The following NCOA2 variants were observed in gnomAD, a reference collection of about 807,000 sequenced individuals.
NCOA2 encodes class E basic helix-loop-helix protein 75.
NCOA2 carries 21 observed loss-of-function variants against 145.1 expected under a neutral mutation model. That is an observed-to-expected ratio of 0.14 (90% CI 0.10 to 0.21). The LOEUF (loss-of-function observed/expected upper bound fraction) is 0.21. Among genes scored for constraint, NCOA2 ranks in the 10% least tolerant of loss-of-function variants. The probability of loss-of-function intolerance (pLI) is 1.00; values close to 1 mark genes in which losing one functional copy is unlikely to be tolerated. For missense variants in NCOA2, 1,472 were observed against 1,837.6 expected, an observed-to-expected ratio of 0.80 and a Z score of 3.64; for synonymous variants, 619 against 637.5, an observed-to-expected ratio of 0.97 and a Z score of 0.44.
At chr8:70,212,725 C>T (rs1377753877) in intron 4 of NCOA2, among the ~76,000 whole-genome samples, 1 of 152,004 alleles carries the variant, frequency 6.6e-6, no homozygotes, top group Non-Finnish European at 1.5e-5. Flanking sequence ...TGAAATATGC[C>T]TTTTTTGAAT....
chr8:70,325,190 C>A (rs935267435), intron 1 of NCOA2, among the ~76,000 whole-genome samples: 4 of 152,164 alleles, frequency 2.6e-5, no homozygotes, highest in Non-Finnish European at 4.4e-5. Context: ...TGACAGAAAT[C>A]TTTGAACACA....
intron 1 of NCOA2, among the ~76,000 whole-genome samples, chr8:70,376,578 G>T (rs762316287): frequency 6.6e-6 from 1 of 152,166 alleles, no homozygotes; most frequent in African/African-American, 2.4e-5. Context: ...AGAGACCAGG[G>T]TGTGAATAGA....
intron 9 of NCOA2, among the ~76,000 whole-genome samples, chr8:70,160,134 C>T (rs1250547677): frequency 1.3e-5 from 2 of 152,114 alleles, no homozygotes; most frequent in Admixed American, 6.5e-5. Flanking sequence ...CTAGAAATTA[C>T]GTACTGTTCA....
At chr8:70,254,508 A>C (rs1237343979) in intron 2 of NCOA2, among the ~76,000 whole-genome samples, 1 of 152,242 alleles carries the variant, frequency 6.6e-6, no homozygotes, top group Non-Finnish European at 1.5e-5. Flanking sequence ...GTGGTACACA[A>C]TACAGTATTA....
At chr8:70,257,354 T>C (rs1823716401) in intron 2 of NCOA2, among the ~76,000 whole-genome samples, 1 of 152,212 alleles carries the variant, frequency 6.6e-6, no homozygotes. Flanking sequence ...AACCATTCCT[T>C]GGGGTCCTTC....
At chr8:70,121,193 C>A (rs541606126) in intron 22 of NCOA2, 109 bp downstream of exon 22, 2 of 864,468 alleles carry the variant, frequency 2.3e-6, no homozygotes, top group East Asian at 2.7e-5. Context: ...AGATATTTTA[C>A]GATTATCTTT....
At chr8:70,338,770 C>T (rs1244093440) in intron 1 of NCOA2, among the ~76,000 whole-genome samples, 3 of 152,018 alleles carry the variant, frequency 2.0e-5, no homozygotes, top group Non-Finnish European at 4.4e-5. Context: ...TATGCTTCAT[C>T]CCCAGGGTGC....
At chr8:70,316,393 T>G (rs1383164596) in intron 1 of NCOA2, among the ~76,000 whole-genome samples, 1 of 152,146 alleles carries the variant, frequency 6.6e-6, no homozygotes, top group Non-Finnish European at 1.5e-5. Flanking sequence ...CCAGACACCT[T>G]CCTACACAAA....
intron 2 of NCOA2, among the ~76,000 whole-genome samples, chr8:70,251,264 C>T (rs1347218713): frequency 6.6e-6 from 1 of 152,146 alleles, no homozygotes; most frequent in East Asian, 1.9e-4. Context: ...ATGCAAACAG[C>T]AGTGCATAAA....
At chr8:70,440,354 C>T in the NCOA2 span, among the ~76,000 whole-genome samples, 11 of 152,126 alleles carry the variant, frequency 7.2e-5, no homozygotes, top group Non-Finnish European at 8.8e-5. Context: ...AATCCCAGCA[C>T]CTGAGGTCAG....
At chr8:70,183,413 G>C (rs1815700714) in intron 4 of NCOA2, among the ~76,000 whole-genome samples, 1 of 152,132 alleles carries the variant, frequency 6.6e-6, no homozygotes, top group Non-Finnish European at 1.5e-5. Flanking sequence ...CTGATAAATA[G>C]CTTAAAATAT....
At chr8:70,234,029 C>T (rs945079783) in intron 2 of NCOA2, among the ~76,000 whole-genome samples, 1 of 152,160 alleles carries the variant, frequency 6.6e-6, no homozygotes, top group African/African-American at 2.4e-5. Context: ...TCTCTCCTCT[C>T]CCAGCCCCTC....
chr8:70,243,554 T>C (rs1438184042), intron 2 of NCOA2, among the ~76,000 whole-genome samples: 5 of 152,058 alleles, frequency 3.3e-5, no homozygotes, highest in Admixed American at 6.6e-5. Flanking sequence ...TACAAAAGTC[T>C]TGGCTCATTC....
intron 11 of NCOA2, among the ~76,000 whole-genome samples, chr8:70,151,844 G>T (rs1013825311): frequency 1.3e-5 from 2 of 152,002 alleles, no homozygotes; most frequent in African/African-American, 4.8e-5. Context: ...ATAAAGTTCA[G>T]AATATCTATA....
chr8:70,353,215 A>G (rs981912743), intron 1 of NCOA2, among the ~76,000 whole-genome samples: 4 of 151,882 alleles, frequency 2.6e-5, no homozygotes, highest in African/African-American at 9.7e-5. Flanking sequence ...CCACCTTAAG[A>G]TATTTGAAGA....
chr8:70,189,444 T>C (rs1816436982), intron 4 of NCOA2, among the ~76,000 whole-genome samples: 1 of 152,218 alleles, frequency 6.6e-6, no homozygotes, highest in East Asian at 1.9e-4. Context: ...ATTCCATTTT[T>C]CATCTGTGTA....
intron 5 of NCOA2, among the ~76,000 whole-genome samples, chr8:70,172,858 T>A (rs146567436): frequency 1.3e-5 from 2 of 152,170 alleles, no homozygotes; most frequent in Non-Finnish European, 2.9e-5. Flanking sequence ...TAAAGCTGTG[T>A]TTTTTTTAAG....
chr8:70,383,130 G>A (rs966931878), intron 1 of NCOA2, among the ~76,000 whole-genome samples: 3 of 152,154 alleles, frequency 2.0e-5, no homozygotes, highest in Non-Finnish European at 4.4e-5. Flanking sequence ...TCAGATGTTC[G>A]TGCACACAGG....
At chr8:70,437,209 C>T in the NCOA2 span, among the ~76,000 whole-genome samples, 1 of 152,198 alleles carries the variant, frequency 6.6e-6, no homozygotes, top group Non-Finnish European at 1.5e-5. Context: ...TCCTAATTAT[C>T]CTTCAGACCC....
Sources: allele counts gnomAD v4.1 joint callset (sites outside exome capture counted in the v4.1 genomes callset), GRCh38; gene constraint gnomAD v4.1.1; transcripts MANE v1.5; gene names NCBI Gene and HGNC (gene_info 2026-07-23, HGNC 2026-07-21).